SYT1: variants seen among roughly 807,000 people sequenced by gnomAD.
SYT1 encodes the protein synaptotagmin 1, also known as synaptotagmin-1.
Under a neutral mutation model 44.8 loss-of-function variants are expected in SYT1, and 8 were observed. That is an observed-to-expected ratio of 0.18 (90% CI 0.10 to 0.32). The LOEUF (loss-of-function observed/expected upper bound fraction) is 0.32. Ranked by LOEUF, SYT1 falls within the 10% of genes least tolerant of loss-of-function variation. The probability of loss-of-function intolerance (pLI) is 1.00; values close to 1 mark genes in which losing one functional copy is unlikely to be tolerated. For missense variants in SYT1, 286 were observed against 509.3 expected (o/e 0.56, Z 4.22); for synonymous variants, 154 against 188.8 (o/e 0.82, Z 1.51).
intron 4 of SYT1, among the ~76,000 whole-genome samples, chr12:79,270,353 G>A (rs1259511212): frequency 6.6e-6 from 1 of 152,170 alleles, no homozygotes; most frequent in Non-Finnish European, 1.5e-5. Context: ...TAGTGCAGTG[G>A]TGAAGCATTC....
At chr12:79,073,275 A>G (rs1460834233) in intron 3 of SYT1, among the ~76,000 whole-genome samples, 2 of 152,114 alleles carry the variant, frequency 1.3e-5, no homozygotes, top group Non-Finnish European at 1.5e-5. Context: ...ATAGGATATA[A>G]TTAACTAAAA....
intron 9 of SYT1, among the ~76,000 whole-genome samples, chr12:79,367,514 T>G (rs1369521851): frequency 6.6e-6 from 1 of 152,286 alleles, no homozygotes; most frequent in East Asian, 1.9e-4. Flanking sequence ...TCTCTACAAA[T>G]TCTTAATCTC....
intron 2 of SYT1, among the ~76,000 whole-genome samples, chr12:79,019,706 A>T (rs1872058803): frequency 6.6e-6 from 1 of 151,866 alleles, no homozygotes; most frequent in African/African-American, 2.4e-5. Flanking sequence ...TTATTTATTT[A>T]TTTTACTAAA....
chr12:79,209,435 T>C (rs1874311825), intron 3 of SYT1, among the ~76,000 whole-genome samples: 1 of 152,122 alleles, frequency 6.6e-6, no homozygotes, highest in Admixed American at 6.5e-5. Flanking sequence ...TGTAAGAAAC[T>C]GAAGGAAGCA....
intron 4 of SYT1, among the ~76,000 whole-genome samples, chr12:79,283,906 T>C (rs949283817): frequency 6.6e-6 from 1 of 151,688 alleles, no homozygotes; most frequent in African/African-American, 2.4e-5. Flanking sequence ...CAGAATATTA[T>C]GCATAGTAAG....
chr12:79,165,122 T>C (rs1871157312), intron 3 of SYT1, among the ~76,000 whole-genome samples: 1 of 152,030 alleles, frequency 6.6e-6, no homozygotes. Flanking sequence ...TTTAGAAACG[T>C]AATTTTTCTT....
intron 4 of SYT1, among the ~76,000 whole-genome samples, chr12:79,276,888 T>A (rs1269886414): frequency 1.5e-5 from 2 of 136,892 alleles, no homozygotes; most frequent in Non-Finnish European, 1.5e-5. Flanking sequence ...ACATAAAATG[T>A]CAAAACCTAA....
intron 3 of SYT1, among the ~76,000 whole-genome samples, chr12:79,093,387 G>GT (rs1877909377): frequency 6.6e-6 from 1 of 151,674 alleles, no homozygotes; most frequent in South Asian, 2.1e-4. Context: ...TATAGAAACA[G>GT]TTTAATTCTT....
Position 79,208,299 on chromosome 12 carries a change from G to A in SYT1, c.-17-9204G>A, listed in dbSNP as rs371513966. On this transcript the variant is annotated intron_variant, in intron 3 of 10. Coordinates refer to ENST00000261205, the MANE Select transcript of SYT1 (RefSeq NM_005639.3). Reference sequence around the variant, plus strand: ...AGGAAGGGTCAGCAAGCAGAAACTCGTGGGCTGCTTTAATGGTGTGAATTG... The same window carrying A: ...AGGAAGGGTCAGCAAGCAGAAACTCATGGGCTGCTTTAATGGTGTGAATTG... 9.9e-5 allele frequency among the ~76,000 whole-genome samples: 15 copies of A among 152,258 alleles called. 1 individual carries two copies. The highest frequency in any genetic ancestry group is 8.3e-4 in the South Asian group (4 of 4,828).
At chr12:79,360,894 C>A in intron 9 of SYT1, among the ~76,000 whole-genome samples, 1 of 152,162 alleles carries the variant, frequency 6.6e-6, no homozygotes, top group South Asian at 2.1e-4. Context: ...AAGCCCGGTA[C>A]AAGTTGGGAC....
At chr12:78,886,953 T>C (rs1289514480) in intron 1 of SYT1, among the ~76,000 whole-genome samples, 1 of 151,930 alleles carries the variant, frequency 6.6e-6, no homozygotes, top group East Asian at 1.9e-4. Flanking sequence ...CCAGTTTATG[T>C]ATGAAGTTTT....
intron 9 of SYT1, among the ~76,000 whole-genome samples, chr12:79,381,187 T>C (rs1441058661): frequency 6.6e-6 from 1 of 152,222 alleles, no homozygotes; most frequent in African/African-American, 2.4e-5. Flanking sequence ...CTGAATTCCC[T>C]GATTCCTACT....
intron 1 of SYT1, among the ~76,000 whole-genome samples, chr12:78,938,348 T>C (rs1878175279): frequency 6.6e-6 from 1 of 152,136 alleles, no homozygotes; most frequent in South Asian, 2.1e-4. Context: ...CTGAGTTTAA[T>C]AGGATAAAGC....
intron 7 of SYT1, 146 bp from the exon 8 acceptor site, chr12:79,299,238 A>T: frequency 1.2e-6 from 1 of 847,272 alleles, no homozygotes. Context: ...GTTTGTCAAA[A>T]GTCTGAATTT....
intron 6 of SYT1, among the ~76,000 whole-genome samples, chr12:79,295,412 C>T (rs1879833340): frequency 6.6e-6 from 1 of 152,104 alleles, no homozygotes; most frequent in Admixed American, 6.6e-5. Flanking sequence ...AAAACCTCAC[C>T]TCTAATCTCC....
chr12:79,377,492 T>G (rs1593014178), intron 9 of SYT1, among the ~76,000 whole-genome samples: 1 of 152,334 alleles, frequency 6.6e-6, no homozygotes, highest in East Asian at 1.9e-4. Flanking sequence ...AGATAAAAGC[T>G]CTAGCAATTG....
chr12:79,168,588 A>G (rs1375322755), intron 3 of SYT1, among the ~76,000 whole-genome samples: 1 of 152,074 alleles, frequency 6.6e-6, no homozygotes, highest in Non-Finnish European at 1.5e-5. Flanking sequence ...GACAAAGGAC[A>G]GAGTTTGTTA....
At chr12:79,110,314 C>T (rs79747880) in intron 3 of SYT1, among the ~76,000 whole-genome samples, 2,237 of 151,972 alleles carry the variant, frequency 0.015, 53 homozygotes, top group African/African-American at 0.051. Context: ...TAATATGGCA[C>T]AGGAAAAAAT....
At position 79,089,749 on chromosome 12, in the gene SYT1, G is replaced by A. The variant is rs1372622506; in HGVS notation, c.-18+42387G>A. Among the ~76,000 whole-genome samples the A allele has an allele frequency of 2.0e-5, 3 of 152,000 alleles. No individual in the cohort carries two copies. The East Asian group carries it at 5.8e-4, about 29-fold the overall frequency. On this transcript the variant is annotated intron_variant, in intron 3 of 10. Coordinates refer to ENST00000261205, the MANE Select transcript of SYT1 (RefSeq NM_005639.3). ...ATTTTGTCTCATACCAGAATTGAGA[G>A]CAAACACTCAATGTTTCTTTATCTC...
Sources: gnomAD v4.1 joint callset for allele counts (sites outside exome capture counted in the v4.1 genomes callset) on GRCh38, gnomAD v4.1.1 for gene constraint, MANE v1.5 for transcripts, NCBI Gene and HGNC (gene_info 2026-07-23, HGNC 2026-07-21) for gene names.